Variants in WWOX observed in about 807,000 individuals in gnomAD.
WWOX encodes WW domain containing oxidoreductase.
WWOX carries 69 observed loss-of-function variants against 46.2 expected under a neutral mutation model. The observed-to-expected ratio is 1.49, with a 90% CI of 1.23 to 1.82. The LOEUF (loss-of-function observed/expected upper bound fraction) is 1.82, where lower values mean the gene tolerates loss of function less well. WWOX is among the 40% of genes most tolerant of loss of function. The pLI is 0.00. For synonymous variants in WWOX, 359 were observed against 202.6 expected (o/e 1.77, Z -6.56); for missense variants, 919 against 542.6 (o/e 1.69, Z -6.89).
At chr16:78,106,866 C>G (rs753154251) in intron 1 of WWOX, among the ~76,000 whole-genome samples, 2 of 152,174 alleles carry the variant, frequency 1.3e-5, no homozygotes, top group Non-Finnish European at 2.9e-5. Context: ...TTTTCAGCAG[C>G]TCTGTGAGGT....
At chr16:79,106,800 T>G (rs1256405193) in intron 8 of WWOX, 1 of 149,092 alleles carries the variant, frequency 6.7e-6, no homozygotes, top group Non-Finnish European at 1.5e-5. Flanking sequence ...TTTTTAACTT[T>G]TTTTCTTTTT....
At chr16:78,393,552 G>A (rs1424351518) in intron 6 of WWOX, among the ~76,000 whole-genome samples, 1 of 152,076 alleles carries the variant, frequency 6.6e-6, no homozygotes, top group African/African-American at 2.4e-5. Flanking sequence ...ATAAAATAGA[G>A]AACTGAATTG....
chr16:78,120,656 T>C (rs780576956), intron 4 of WWOX, among the ~76,000 whole-genome samples: 1 of 152,176 alleles, frequency 6.6e-6, no homozygotes, highest in Non-Finnish European at 1.5e-5. Context: ...TGTCTTAGCT[T>C]AGAGAGCCTA....
chr16:78,652,408 C>CAAAAAAAAAAAAAAA (rs747993811), intron 8 of WWOX, among the ~76,000 whole-genome samples: 5 of 107,494 alleles, frequency 4.7e-5, no homozygotes, highest in Middle Eastern at 4.1e-3. Flanking sequence ...GACTCCGTCT[C>CAAAAAAAAAAAAAAA]AAAAAAAAAA....
intron 8 of WWOX, among the ~76,000 whole-genome samples, chr16:79,023,337 C>T (rs945750937): frequency 2.0e-5 from 3 of 152,170 alleles, no homozygotes; most frequent in Non-Finnish European, 4.4e-5. Flanking sequence ...CTTCCAGCAT[C>T]CTCTTGGTAT....
intron 5 of WWOX, among the ~76,000 whole-genome samples, chr16:78,217,207 C>T (rs1364155132): frequency 1.3e-5 from 2 of 152,170 alleles, no homozygotes; most frequent in East Asian, 1.9e-4. Flanking sequence ...CATCCACAGT[C>T]ATAAAAGTCT....
intron 8 of WWOX, among the ~76,000 whole-genome samples, chr16:78,609,419 C>CT (rs934943922): frequency 6.6e-6 from 1 of 151,076 alleles, no homozygotes; most frequent in East Asian, 1.9e-4. Flanking sequence ...AAGAATCTTG[C>CT]TTTTAAAGCG....
At chr16:78,867,723 A>G (rs2044036886) in intron 8 of WWOX, among the ~76,000 whole-genome samples, 1 of 152,002 alleles carries the variant, frequency 6.6e-6, no homozygotes, top group Non-Finnish European at 1.5e-5. Flanking sequence ...TGAGTTTCTT[A>G]AAGTCCTACA....
chr16:78,363,538 C>A (rs537142246), intron 5 of WWOX, among the ~76,000 whole-genome samples: 1 of 152,240 alleles, frequency 6.6e-6, no homozygotes, highest in East Asian at 1.9e-4. Context: ...CTTGGCCTCC[C>A]AAAGTGCTGG....
chr16:78,563,170 C>G (rs2044479930), intron 8 of WWOX, among the ~76,000 whole-genome samples: 1 of 152,116 alleles, frequency 6.6e-6, no homozygotes, highest in Non-Finnish European at 1.5e-5. Flanking sequence ...TGTCTGCAAT[C>G]AAGATGATTA....
At chr16:78,725,604 C>A (rs1002890614) in intron 8 of WWOX, among the ~76,000 whole-genome samples, 3 of 151,916 alleles carry the variant, frequency 2.0e-5, no homozygotes, top group Admixed American at 6.6e-5. Flanking sequence ...GCCTCAGCCT[C>A]CCAAAGTCAG....
chr16:79,113,205 T>C (rs1248879957), intron 8 of WWOX, among the ~76,000 whole-genome samples: 1 of 152,110 alleles, frequency 6.6e-6, no homozygotes, highest in Non-Finnish European at 1.5e-5. Flanking sequence ...GCAGAGGCAT[T>C]TTCCCAGGAA....
rs537421657 is a variant in WWOX, at chr16:78,898,740, C to G, written c.1057-312868C>G. 9.3e-4 allele frequency: 142 copies of G among 152,206 alleles called. 1 individual carries two copies. Among genetic ancestry groups the G allele is most frequent in the African/African-American group, 3.1e-3 (128 of 41,556 alleles). 9.4% of individuals were successfully genotyped at this position (152,206 alleles called of 1,614,324 possible). A position where few individuals can be genotyped will look rare whatever the true frequency, so the allele number is the denominator to read the frequency against. On this transcript the variant is annotated intron_variant, in intron 8 of 8. Transcript: ENST00000566780. ...CCTGAAAGTGTTAAGCGTTACCATC[C>G]ATGAGCATGCATCTCTCCATTTATT...
intron 8 of WWOX, among the ~76,000 whole-genome samples, chr16:78,633,790 C>T (rs971442632): frequency 4.6e-5 from 7 of 152,184 alleles, no homozygotes; most frequent in African/African-American, 1.7e-4. Flanking sequence ...GTGTGCGGTG[C>T]AACCCGGGCT....
intron 8 of WWOX, among the ~76,000 whole-genome samples, chr16:78,482,316 A>T (rs1303828413): frequency 1.3e-5 from 2 of 152,056 alleles, no homozygotes; most frequent in African/African-American, 4.8e-5. Context: ...GCTCACTGCA[A>T]CCTCTGTCGA....
chr16:78,121,416 T>G (rs1240330474), intron 4 of WWOX, among the ~76,000 whole-genome samples: 1 of 152,144 alleles, frequency 6.6e-6, no homozygotes, highest in Non-Finnish European at 1.5e-5. Flanking sequence ...AATTAGTACC[T>G]TATGACTTAA....
chr16:78,552,799 C>T (rs2044205214), intron 8 of WWOX: 1 of 152,190 alleles, frequency 6.6e-6, no homozygotes, highest in Non-Finnish European at 1.5e-5. Context: ...TCCCTCTGTT[C>T]TCTCTGTTTT....
intron 8 of WWOX, among the ~76,000 whole-genome samples, chr16:78,912,885 A>T (rs2045148185): frequency 6.6e-6 from 1 of 151,976 alleles, no homozygotes. Context: ...AAACACCATC[A>T]GCTTGGAAAA....
chr16:78,761,312 T>C (rs2049787247), intron 8 of WWOX, among the ~76,000 whole-genome samples: 1 of 152,198 alleles, frequency 6.6e-6, no homozygotes, highest in South Asian at 2.1e-4. Context: ...TATCAATCTG[T>C]TTGGATTTTC....
Sources: gnomAD v4.1 joint callset for allele counts (sites outside exome capture counted in the v4.1 genomes callset) on GRCh38, gnomAD v4.1.1 for gene constraint, MANE v1.5 for transcripts, NCBI Gene and HGNC (gene_info 2026-07-23, HGNC 2026-07-21) for gene names.